Variants in PSD3 observed in about 807,000 individuals in gnomAD.
PSD3 encodes PH and SEC7 domain-containing protein 3.
A neutral mutation model predicts 105.5 loss-of-function variants in PSD3; 49 were observed. The observed-to-expected ratio is 0.46, with a 90% confidence interval of 0.37 to 0.59. The LOEUF (loss-of-function observed/expected upper bound fraction) is 0.59, where lower values mean the gene tolerates loss of function less well. Among genes scored for constraint, PSD3 ranks in the 20% least tolerant of loss-of-function variants. The pLI is 0.00. For synonymous variants in PSD3, 557 were observed against 457.8 expected (o/e 1.22, Z -2.77); for missense variants, 1,561 against 1,263.8 (o/e 1.24, Z -3.57).
At chr8:18,999,196 G>A (rs1465392093) in intron 1 of PSD3, among the ~76,000 whole-genome samples, 1 of 151,864 alleles carries the variant, frequency 6.6e-6, no homozygotes, top group Non-Finnish European at 1.5e-5. Context: ...ACCATAACAG[G>A]TTTGCTTTTG....
At chr8:19,067,695 G>A (rs1040281308) in intron 1 of PSD3, among the ~76,000 whole-genome samples, 10 of 152,042 alleles carry the variant, frequency 6.6e-5, no homozygotes, top group African/African-American at 2.4e-4. Flanking sequence ...GAACTGCAGG[G>A]AGCCACAGCA....
At chr8:18,553,612 A>C (rs186951176) in intron 15 of PSD3, among the ~76,000 whole-genome samples, 1 of 152,338 alleles carries the variant, frequency 6.6e-6, no homozygotes, top group Admixed American at 6.5e-5. Context: ...CTTATGAAGC[A>C]AAGGATGCTG....
intron 9 of PSD3, among the ~76,000 whole-genome samples, chr8:18,716,607 C>T (rs146676337): frequency 6.2e-4 from 95 of 152,222 alleles, no homozygotes; most frequent in Middle Eastern, 3.4e-3. Flanking sequence ...GTAAGTCTTG[C>T]AAGCTTTGAT....
At chr8:18,588,396 T>A (rs1240533721) in intron 12 of PSD3, among the ~76,000 whole-genome samples, 1 of 152,222 alleles carries the variant, frequency 6.6e-6, no homozygotes, top group African/African-American at 2.4e-5. Flanking sequence ...ATATTAGTTC[T>A]GATTTTTTAA....
At chr8:19,012,381 A>C (rs1826989826) in intron 1 of PSD3, among the ~76,000 whole-genome samples, 2 of 152,100 alleles carry the variant, frequency 1.3e-5, no homozygotes, top group African/African-American at 2.4e-5. Flanking sequence ...TGAAAAGAAA[A>C]CCTCTTGGTT....
At chr8:18,577,705 C>T (rs780535140) in intron 12 of PSD3, among the ~76,000 whole-genome samples, 1 of 152,046 alleles carries the variant, frequency 6.6e-6, no homozygotes. Context: ...TCACCCACAT[C>T]AACAAGATAA....
chr8:18,689,214 T>C (rs185761971), intron 9 of PSD3, among the ~76,000 whole-genome samples: 79 of 152,292 alleles, frequency 5.2e-4, no homozygotes, highest in African/African-American at 1.9e-3. Context: ...ATCAGGCCCC[T>C]AACTTTGAGC....
chr8:18,691,704 A>G (rs930070854), intron 9 of PSD3, among the ~76,000 whole-genome samples: 1 of 152,244 alleles, frequency 6.6e-6, no homozygotes, highest in South Asian at 2.1e-4. Context: ...GTCCATAATT[A>G]TCTCTAACAT....
At position 18,722,533 on chromosome 8, in the gene PSD3, T is replaced by C. The variant is rs546391769; in HGVS notation, c.2172+42916A>G. On this transcript the variant is annotated intron_variant, in intron 9 of 15. Coordinates refer to ENST00000327040, the MANE Select transcript of PSD3 (RefSeq NM_015310.4). ...AAGAATAAACTTAATCTTTAAAAAA[T>C]GGAAAACATTAATTCTTTCTCTCCA... 1.2e-4 allele frequency among the ~76,000 whole-genome samples: 18 copies of C among 152,288 alleles called. No homozygotes were observed. In the South Asian group the frequency reaches 3.7e-3, roughly 32 times the overall value.
intron 4 of PSD3, among the ~76,000 whole-genome samples, chr8:18,820,897 G>C (rs1335388357): frequency 6.6e-6 from 1 of 152,108 alleles, no homozygotes; most frequent in Non-Finnish European, 1.5e-5. Flanking sequence ...CCACAGGCGT[G>C]AGTCACAATG....
At chr8:18,761,090 A>T (rs892906084) in intron 9 of PSD3, among the ~76,000 whole-genome samples, 3 of 152,176 alleles carry the variant, frequency 2.0e-5, no homozygotes, top group African/African-American at 7.2e-5. Context: ...TGTAGCATCA[A>T]AGAGGGAAGT....
At chr8:18,754,954 T>C (rs7833606) in intron 9 of PSD3, among the ~76,000 whole-genome samples, 133,480 of 152,120 alleles carry the variant, frequency 0.88, 58,994 homozygotes, top group Non-Finnish European at 0.94. Context: ...TATCCTTGCA[T>C]TGCTGGTCTG....
At chr8:18,705,798 A>G (rs1801861431) in intron 9 of PSD3, among the ~76,000 whole-genome samples, 1 of 152,160 alleles carries the variant, frequency 6.6e-6, no homozygotes, top group African/African-American at 2.4e-5. Context: ...TTGGAGGGGA[A>G]TGAGTATTCG....
At chr8:18,582,636 T>G (rs1438262240) in intron 12 of PSD3, among the ~76,000 whole-genome samples, 1 of 152,130 alleles carries the variant, frequency 6.6e-6, no homozygotes, top group Non-Finnish European at 1.5e-5. Context: ...CATAATTGCT[T>G]ACTGGACACA....
In PSD3 at chr8:18,545,180, T is replaced by C. The variant is rs187380939; in HGVS notation, c.2929-9222A>G. On this transcript the variant is annotated intron_variant, in intron 15 of 15. Transcript: ENST00000327040. Reference sequence around the variant, plus strand: ...GTCTGTATAAGTATTCAGCTTTTCATCTCTTTTTTGAAACTAAAATGAACA... The same window carrying C: ...GTCTGTATAAGTATTCAGCTTTTCACCTCTTTTTTGAAACTAAAATGAACA... Among the ~76,000 whole-genome samples the C allele has an allele frequency of 1.4e-4, 22 of 152,344 alleles. No homozygotes were observed. In the East Asian group the frequency reaches 3.7e-3, roughly 25 times the overall value.
chr8:18,737,544 C>T (rs1363863804), intron 9 of PSD3, among the ~76,000 whole-genome samples: 2 of 152,172 alleles, frequency 1.3e-5, no homozygotes, highest in African/African-American at 2.4e-5. Flanking sequence ...CTCAAGCAAT[C>T]TGCTCGCTTG....
chr8:18,587,403 C>G (rs965393697), intron 12 of PSD3, among the ~76,000 whole-genome samples: 4 of 142,322 alleles, frequency 2.8e-5, no homozygotes, highest in African/African-American at 1.0e-4. Flanking sequence ...TTCGTGATAC[C>G]TTCATCATTT....
intron 10 of PSD3, among the ~76,000 whole-genome samples, chr8:18,639,564 C>A (rs937293184): frequency 1.3e-5 from 2 of 151,998 alleles, no homozygotes; most frequent in African/African-American, 4.8e-5. Context: ...TATTGATGTC[C>A]TTATTAAAGA....
chr8:18,532,221 A>G lies in PSD3; in HGVS notation c.*3522T>C, dbSNP rs1208583714. 5.3e-5 allele frequency: 8 copies of G among 152,224 alleles called. No homozygotes were observed. The highest frequency in any genetic ancestry group is 8.8e-5 in the Non-Finnish European group (6 of 68,048). 9.4% of individuals were successfully genotyped at this position (152,224 alleles called of 1,614,324 possible). A position where few individuals can be genotyped will look rare whatever the true frequency, so the allele number is the denominator to read the frequency against. On this transcript the variant is annotated 3_prime_UTR_variant, in exon 16 of 16. Transcript: ENST00000327040. The stretch of plus-strand genomic sequence containing the variant: ...TAGGCAAAGGACAGTAGAAAAGCTC[A>G]GTGTAACTTTGTGTTTAGGCAGTAA...
Sources: gnomAD v4.1 joint callset for allele counts (sites outside exome capture counted in the v4.1 genomes callset) on GRCh38, gnomAD v4.1.1 for gene constraint, MANE v1.5 for transcripts, NCBI Gene and HGNC (gene_info 2026-07-23, HGNC 2026-07-21) for gene names.